Variants in CLASRP observed in about 807,000 individuals in gnomAD.
The protein encoded by CLASRP is CLK4 associating serine/arginine rich protein.
In CLASRP, 52 loss-of-function variants were observed where a neutral mutation model predicts 99.9. That is an observed-to-expected ratio of 0.52 (90% confidence interval 0.42 to 0.66). The LOEUF is 0.66. Ranked by LOEUF, CLASRP falls within the 30% of genes least tolerant of loss-of-function variation. CLASRP has a pLI of 0.00. For synonymous variants in CLASRP, 379 were observed against 373.0 expected (o/e 1.02, Z -0.18); for missense variants, 848 against 999.2 (o/e 0.85, Z 2.04).
chr19:45,056,497 G>A lies in CLASRP; in HGVS notation c.427G>A (p.Gly143Arg), dbSNP rs1179686148. ...CCAGATCTACATTGATGAGTTGTAC[G>A]GAGGCCTCCAGAGACCCAGCGAAGA... Reference protein sequence around the residue: ...LYQIYIDELYGGLQRPSEDEK... With the variant: ...LYQIYIDELYRGLQRPSEDEK... Residue 143 changes from glycine (G) to arginine (R), a missense_variant, in exon 6 of 21, where the codon GGA becomes AGA. Coordinates refer to ENST00000221455, the MANE Select transcript of CLASRP (RefSeq NM_007056.3). 8 of 1,613,758 alleles carry A rather than the reference G, an allele frequency of 5.0e-6. No individual in the cohort carries two copies. Among genetic ancestry groups the A allele is most frequent in the Admixed American group, 3.3e-5 (2 of 59,990 alleles).
chr19:45,067,687 C>A lies in CLASRP; in HGVS notation c.1667+93C>A. ...TCTTTTTGAGGGGAACTTAGCCCTACCCTGGGAGGTCTGGGGGGTGGTGTA... is the reference window on the plus strand; with the variant it reads ...TCTTTTTGAGGGGAACTTAGCCCTAACCTGGGAGGTCTGGGGGGTGGTGTA... On this transcript the variant is annotated intron_variant, in intron 14 of 20. Coordinates refer to ENST00000221455, the MANE Select transcript of CLASRP (RefSeq NM_007056.3). The surrounding 1 kb of genome is among the most constrained non-coding windows in gnomAD (Gnocchi z 4.9). The A allele has an allele frequency of 1.6e-6, 2 of 1,222,070 alleles. No individual in the cohort carries two copies. Among genetic ancestry groups the A allele is most frequent in the South Asian group, 1.5e-5 (1 of 68,578 alleles). The allele number at this position is 1,222,070 out of a possible 1,614,324, so 75.7% of individuals were successfully genotyped here.
chr19:45,044,525 T>C (rs1183658108), intron 2 of CLASRP, among the ~76,000 whole-genome samples: 1 of 152,166 alleles, frequency 6.6e-6, no homozygotes, highest in African/African-American at 2.4e-5. Context: ...TTAACCTCTC[T>C]AAGCTTTTCA....
chr19:45,046,671 G>A (rs548176521), intron 2 of CLASRP, among the ~76,000 whole-genome samples: 2 of 152,240 alleles, frequency 1.3e-5, no homozygotes, highest in East Asian at 3.8e-4. Flanking sequence ...ATGAATGAAT[G>A]AGTAACTTCA....
At chr19:45,069,746 C>CA (rs2122620876) in intron 18 of CLASRP, 2 of 490,492 alleles carry the variant, frequency 4.1e-6, no homozygotes, top group East Asian at 7.3e-5. Flanking sequence ...TTTCAACACT[C>CA]ACTGTGTGCA....
At chr19:45,049,672 T>C (rs971502892) in intron 2 of CLASRP, among the ~76,000 whole-genome samples, 2 of 152,158 alleles carry the variant, frequency 1.3e-5, no homozygotes, top group African/African-American at 2.4e-5. Context: ...TGGTGTTTTT[T>C]TCCTGAAGGG....
intron 20 of CLASRP, 50 bp from the exon 21 acceptor site, chr19:45,070,753 G>A: frequency 2.0e-6 from 3 of 1,521,282 alleles, no homozygotes; most frequent in Middle Eastern, 1.7e-4. Flanking sequence ...CCCCAGGTGT[G>A]TTGATGTGTG....
At chr19:45,047,091 T>C (rs943304794) in intron 2 of CLASRP, among the ~76,000 whole-genome samples, 1 of 152,120 alleles carries the variant, frequency 6.6e-6, no homozygotes, top group Non-Finnish European at 1.5e-5. Context: ...ATTACAGCAT[T>C]ATTAGCAATA....
chr19:45,057,774 C>A lies in CLASRP; in HGVS notation c.489C>A (p.Ile163=), dbSNP rs7259931. 3.2e-3 allele frequency: 5,119 copies of A among 1,613,978 alleles called. 138 individuals are homozygous for A. The African/African-American group carries it at 0.057, about 18-fold the overall frequency. Residue 163 remains isoleucine (I), a synonymous_variant, in exon 7 of 21, where the codon ATC becomes ATA. Transcript: ENST00000221455. The stretch of plus-strand genomic sequence containing the variant: ...GGCTGGCAGAGAAGAAGGCTTCCAT[C>A]GGTTATACCTACGAGGACAGCACGG... ...KKKLAEKKAS[I]GYTYEDSTVA...
chr19:45,059,739 C>G (rs554248311), intron 8 of CLASRP, among the ~76,000 whole-genome samples: 1 of 152,338 alleles, frequency 6.6e-6, no homozygotes, highest in Non-Finnish European at 1.5e-5. Context: ...GCTGAGCTCA[C>G]AAGACCACAC....
At chr19:45,052,378 A>G (rs565867794) in intron 3 of CLASRP, among the ~76,000 whole-genome samples, 3 of 152,278 alleles carry the variant, frequency 2.0e-5, no homozygotes, top group Non-Finnish European at 4.4e-5. Flanking sequence ...AGTAGCAGTC[A>G]TGGTTGGAGG....
chr19:45,066,928 C>T (rs933279639), intron 13 of CLASRP, among the ~76,000 whole-genome samples: 3 of 152,102 alleles, frequency 2.0e-5, no homozygotes, highest in Non-Finnish European at 2.9e-5. Flanking sequence ...ACCCTGGACA[C>T]AAGCAGGATG....
chr19:45,066,265 A>C (rs1430523489), intron 13 of CLASRP, among the ~76,000 whole-genome samples: 1 of 151,756 alleles, frequency 6.6e-6, no homozygotes, highest in African/African-American at 2.4e-5. Context: ...GATTACAGGC[A>C]TGCGCCACCA....
At chr19:45,057,625 G>A in intron 6 of CLASRP, 125 bp from the exon 7 acceptor site, 1 of 1,074,252 alleles carries the variant, frequency 9.3e-7, no homozygotes, top group Non-Finnish European at 1.4e-6. Flanking sequence ...CAGGAGCAGA[G>A]GGTCCTAGGC....
At position 45,040,165 on chromosome 19, in the gene CLASRP, T is replaced by C. The variant is rs1971785397; in HGVS notation, c.-29-19T>C. On this transcript the variant is annotated intron_variant, in intron 1 of 20. Transcript: ENST00000221455. ...GGTTTCACAGACCATCTGACTTTCC[T>C]GGTCCCTTCATCCCTCAGGTTGAGG... 1.4e-6 allele frequency: 2 copies of C among 1,436,390 alleles called. No individual in the cohort carries two copies. The highest frequency in any genetic ancestry group is 2.8e-5 in the African/African-American group (2 of 71,978). 89.0% of individuals were successfully genotyped at this position (1,436,390 alleles called of 1,614,324 possible).
intron 5 of CLASRP, among the ~76,000 whole-genome samples, chr19:45,053,627 C>T (rs917398037): frequency 2.6e-5 from 4 of 151,842 alleles, no homozygotes; most frequent in East Asian, 1.9e-4. Flanking sequence ...TACAGGTGCC[C>T]GCCACCACCC....
intron 16 of CLASRP, 70 bp from the exon 17 acceptor site, chr19:45,068,989 CAAAAAAA>C (rs376538298): frequency 6.5e-6 from 7 of 1,078,184 alleles, no homozygotes; most frequent in African/African-American, 2.2e-5. Context: ...GACTCTGTCT[CAAAAAAA>C]AAAAAAAAGA....
Position 45,052,181 on chromosome 19 carries a change from T to G in CLASRP, c.197+13T>G. 1 of 1,610,166 alleles carries G rather than the reference T, an allele frequency of 6.2e-7. No homozygotes were observed. The highest frequency in any genetic ancestry group is 8.5e-7 in the Non-Finnish European group (1 of 1,176,630). ...GCCCTGTTAATATGTAAGACTGATA[T>G]GGAAGGCAGGGGAGTGTCTGAAGTC... On this transcript the variant is annotated intron_variant, in intron 3 of 20. Transcript: ENST00000221455.
chr19:45,062,858 C>T (rs1966972769), intron 11 of CLASRP, among the ~76,000 whole-genome samples: 1 of 152,176 alleles, frequency 6.6e-6, no homozygotes, highest in South Asian at 2.1e-4. Context: ...AGTAGCACCG[C>T]TGGGCACAGG....
intron 2 of CLASRP, among the ~76,000 whole-genome samples, chr19:45,045,547 A>G (rs969303117): frequency 4.6e-5 from 7 of 152,154 alleles, no homozygotes; most frequent in Non-Finnish European, 8.8e-5. Context: ...GTTTTCCCGT[A>G]ACATTTCCAC....
Sources: gnomAD v4.1 joint callset for allele counts (sites outside exome capture counted in the v4.1 genomes callset) on GRCh38, gnomAD v4.1.1 for gene constraint, Gnocchi (gnomAD v3.1) non-coding constraint, MANE v1.5 for transcripts, NCBI Gene and HGNC (gene_info 2026-07-23, HGNC 2026-07-21) for gene names.